The following NTNG2 variants were observed in gnomAD, a reference collection of about 807,000 sequenced individuals.
NTNG2 encodes the protein netrin G2.
Under a neutral mutation model 47.6 loss-of-function variants are expected in NTNG2, and 15 were observed. The observed-to-expected ratio is 0.32, with a 90% CI of 0.21 to 0.49. The LOEUF (loss-of-function observed/expected upper bound fraction) is 0.49. Among genes scored for constraint, NTNG2 ranks in the 20% least tolerant of loss-of-function variants. The pLI is 0.99. For synonymous variants in NTNG2, 307 were observed against 324.6 expected, an observed-to-expected ratio of 0.95 and a Z score of 0.58; for missense variants, 578 against 764.6, an observed-to-expected ratio of 0.76 and a Z score of 2.88.
chr9:132,217,241 T>C (rs934464751), intron 3 of NTNG2, among the ~76,000 whole-genome samples: 1 of 152,240 alleles, frequency 6.6e-6, no homozygotes. Context: ...ATTATTTCTA[T>C]GTGCTTGCTT....
Position 132,242,185 on chromosome 9 carries a change from G to A in NTNG2, c.*74G>A, listed in dbSNP as rs1191836700. 23 of 737,322 alleles carry A rather than the reference G, an allele frequency of 3.1e-5. No individual in the cohort carries two copies. In the South Asian group the frequency reaches 7.6e-4, roughly 24 times the overall value. 45.7% of individuals were successfully genotyped at this position (737,322 alleles called of 1,614,324 possible). ...GTCCCGGGGCGGGGCCGGCGTCCGAGGCCGGGCGGTGAGAAGGGTGCGGCC... is the reference window on the plus strand; with the variant it reads ...GTCCCGGGGCGGGGCCGGCGTCCGAAGCCGGGCGGTGAGAAGGGTGCGGCC... On this transcript the variant is annotated 3_prime_UTR_variant, in exon 8 of 8. Transcript: ENST00000393229. This position sits in a 1 kb window ranked among gnomAD's most constrained non-coding sequence, Gnocchi z 5.9.
chr9:132,163,566 G>T lies in NTNG2; in HGVS notation c.-484+1327G>T, dbSNP rs1344346401. 1.3e-5 allele frequency among the ~76,000 whole-genome samples: 2 copies of T among 152,114 alleles called. No individual in the cohort carries two copies. The highest frequency in any genetic ancestry group is 2.4e-5 in the African/African-American group (1 of 41,460). On this transcript the variant is annotated intron_variant, in intron 1 of 7. Transcript: ENST00000393229. This position sits in a 1 kb window ranked among gnomAD's most constrained non-coding sequence, Gnocchi z 7.2. ...CAACCGCCACTCTCCCCTGAAAGCA[G>T]ATTTCACCCCCCTCTGCCGCCCCTG...
chr9:132,225,227 GTCTTGTTTTGT>G (rs1015374038), intron 3 of NTNG2, among the ~76,000 whole-genome samples: 48 of 23,280 alleles, frequency 2.1e-3, no homozygotes, highest in Middle Eastern at 0.031. Flanking sequence ...CTTTTGTTTT[GTCTTGTTTTGT>G]TTTTGTTTTT....
intron 3 of NTNG2, among the ~76,000 whole-genome samples, chr9:132,204,737 T>C (rs1839038378): frequency 6.6e-6 from 1 of 152,194 alleles, no homozygotes; most frequent in Non-Finnish European, 1.5e-5. Flanking sequence ...TGAGGATCAT[T>C]GTCCCCATGA....
chr9:132,241,219 G>A (rs1349259250), intron 7 of NTNG2, among the ~76,000 whole-genome samples, 175 bp downstream of exon 7: 6 of 151,850 alleles, frequency 4.0e-5, no homozygotes, highest in African/African-American at 1.5e-4. Flanking sequence ...GCGGTGGGCG[G>A]GGCCTCGCGA....
chr9:132,235,847 C>T (rs1221337805), intron 5 of NTNG2, among the ~76,000 whole-genome samples: 9 of 152,128 alleles, frequency 5.9e-5, no homozygotes, highest in Admixed American at 2.0e-4. Context: ...GGAGGGGGGC[C>T]GCAGGAACCA....
intron 2 of NTNG2, among the ~76,000 whole-genome samples, chr9:132,187,568 CA>C (rs1837490966): frequency 1.4e-5 from 1 of 73,160 alleles, no homozygotes; most frequent in Non-Finnish European, 2.4e-5. Context: ...CGAGAGGGAG[CA>C]AGAGAGAGAG....
rs910361965 is a variant in NTNG2, at chr9:132,182,695, G to A, written c.214-15271G>A. ...GGGTTGTCTCCCAGCAGGAAAGGGAGGTTTCAGGTTTTGTGGCTCTTTTCC... is the reference window on the plus strand; with the variant it reads ...GGGTTGTCTCCCAGCAGGAAAGGGAAGTTTCAGGTTTTGTGGCTCTTTTCC... On this transcript the variant is annotated intron_variant, in intron 2 of 7. Coordinates refer to ENST00000393229, the MANE Select transcript of NTNG2 (RefSeq NM_032536.4). This position sits in a 1 kb window ranked among gnomAD's most constrained non-coding sequence, Gnocchi z 4.2. Among the ~76,000 whole-genome samples the A allele has an allele frequency of 5.3e-5, 8 of 152,222 alleles. No homozygotes were observed. The highest frequency in any genetic ancestry group is 1.9e-4 in the African/African-American group (8 of 41,452).
intron 2 of NTNG2, among the ~76,000 whole-genome samples, chr9:132,176,317 A>G (rs150671993): frequency 7.5e-4 from 114 of 152,320 alleles, no homozygotes; most frequent in African/African-American, 2.6e-3. Flanking sequence ...CATCGCCCCA[A>G]TAGAAAACCC....
intron 2 of NTNG2, among the ~76,000 whole-genome samples, chr9:132,195,286 G>A (rs1239371681): frequency 6.6e-6 from 1 of 151,866 alleles, no homozygotes; most frequent in East Asian, 1.9e-4. Flanking sequence ...GGTTTTGGGG[G>A]ATTTCTCTTT....
intron 4 of NTNG2, 51 bp downstream of exon 4, chr9:132,227,072 G>A (rs1840821998): frequency 6.6e-7 from 1 of 1,519,988 alleles, no homozygotes; most frequent in Non-Finnish European, 8.8e-7. Context: ...AATCTTCCCT[G>A]CCCGTCAATC....
rs1836029827 is a variant in NTNG2 at position 132,172,822 on chromosome 9, T to G, written c.213+5778T>G. Among the ~76,000 whole-genome samples, 3 of 146,146 alleles carry G rather than the reference T, an allele frequency of 2.1e-5. No homozygotes were observed. The South Asian group carries it at 6.6e-4, about 32-fold the overall frequency. Reference sequence around the variant, plus strand: ...TCGGCTCGCTGCAAGCTCTGCCTCCTGGGTTCACGCCATTCTCCTGCCTCA... The same window carrying G: ...TCGGCTCGCTGCAAGCTCTGCCTCCGGGGTTCACGCCATTCTCCTGCCTCA... On this transcript the variant is annotated intron_variant, in intron 2 of 7. Coordinates refer to ENST00000393229, the MANE Select transcript of NTNG2 (RefSeq NM_032536.4).
At chr9:132,195,377 C>T (rs191554457) in intron 2 of NTNG2, among the ~76,000 whole-genome samples, 5 of 152,030 alleles carry the variant, frequency 3.3e-5, no homozygotes, top group African/African-American at 9.6e-5. Flanking sequence ...GGCGCGATCT[C>T]GGCTTACTGC....
chr9:132,240,132 A>C (rs1841888176), intron 6 of NTNG2, among the ~76,000 whole-genome samples: 1 of 152,232 alleles, frequency 6.6e-6, no homozygotes, highest in South Asian at 2.1e-4. Context: ...ACCATCACCC[A>C]TCCCCCACCC....
In NTNG2 at chr9:132,198,041, G is replaced by C; in HGVS notation, c.289G>C (p.Asp97His). The C allele has an allele frequency of 6.2e-7, 1 of 1,613,656 alleles. No homozygotes were observed. Among genetic ancestry groups the C allele is most frequent in the Non-Finnish European group, 8.5e-7 (1 of 1,179,994 alleles). ...GGCCCACCCGCCCAGGCTCATGTTC[G>C]ACAAGGAGGAGGAGGGCCTGGCCAC... is the stretch of plus-strand genomic sequence containing the variant. Reference protein sequence around the residue: ...DLAHPPRLMFDKEEEGLATYW... With the variant: ...DLAHPPRLMFHKEEEGLATYW... The change falls in exon 3 of 8, where the codon GAC (aspartate) becomes CAC (histidine). Residue 97 changes from aspartate to histidine, a missense_variant. Transcript: ENST00000393229.
intron 2 of NTNG2, among the ~76,000 whole-genome samples, chr9:132,175,582 G>A (rs1013823689): frequency 2.2e-4 from 34 of 152,238 alleles, no homozygotes; most frequent in Non-Finnish European, 3.7e-4. Flanking sequence ...TGCGGGAACC[G>A]GTCTGTTCGG....
Position 132,241,057 on chromosome 9 carries a change from C to A in NTNG2, c.1357+13C>A, listed in dbSNP as rs772936212. On this transcript the variant is annotated intron_variant, in intron 7 of 7. Coordinates refer to ENST00000393229, the MANE Select transcript of NTNG2 (RefSeq NM_032536.4). The stretch of plus-strand genomic sequence containing the variant: ...CAGGGCTGCTACCGTGAGTGCGCGC[C>A]GTCCCCCGTGGGCGGGGCCTGCGGA... 4 of 1,588,364 alleles carry A rather than the reference C, an allele frequency of 2.5e-6. No homozygotes were observed. Among genetic ancestry groups the A allele is most frequent in the Non-Finnish European group, 1.7e-6 (2 of 1,172,680 alleles).
At position 132,241,886 on chromosome 9, in the gene NTNG2, C is replaced by T; in HGVS notation, c.1368C>T (p.Cys456=). 1 of 1,572,840 alleles carries T rather than the reference C, an allele frequency of 6.4e-7. No homozygotes were observed. Among genetic ancestry groups the T allele is most frequent in the South Asian group, 1.1e-5 (1 of 87,540 alleles). The change falls in exon 8 of 8, where the codon TGC becomes TGT. Residue 456 remains cysteine (C), a synonymous_variant. Transcript: ENST00000393229. ...YWRQGCYPNV[C]DDDQLLCQNG... Reference sequence around the variant, plus strand: ...CCCCTCCGCCTGCAGCCAACGTGTGCGACGACGACCAGCTGCTGTGCCAGA... The same window carrying T: ...CCCCTCCGCCTGCAGCCAACGTGTGTGACGACGACCAGCTGCTGTGCCAGA...
At chr9:132,217,974 T>C (rs573859598) in intron 3 of NTNG2, among the ~76,000 whole-genome samples, 9 of 152,284 alleles carry the variant, frequency 5.9e-5, no homozygotes, top group African/African-American at 2.2e-4. Flanking sequence ...ATGTGGCCGG[T>C]GTGGTCCATA....
Sources: gnomAD v4.1 joint callset for allele counts (sites outside exome capture counted in the v4.1 genomes callset) on GRCh38, gnomAD v4.1.1 for gene constraint, Gnocchi (gnomAD v3.1) non-coding constraint, MANE v1.5 for transcripts, NCBI Gene and HGNC (gene_info 2026-07-23, HGNC 2026-07-21) for gene names.